The following MRPS28 variants were observed in gnomAD, a reference collection of about 807,000 sequenced individuals.
MRPS28 encodes the protein mitochondrial ribosomal protein S28.
In MRPS28, 7 loss-of-function variants were observed where a neutral mutation model predicts 10.8. The ratio of observed to expected loss-of-function variants is 0.65; its 90% CI spans 0.37 to 1.22. The LOEUF is 1.22. MRPS28 is among the 50% of genes most tolerant of loss of function. The probability of loss-of-function intolerance (pLI) is 0.02; values close to 1 mark genes in which losing one functional copy is unlikely to be tolerated. For synonymous variants in MRPS28, 121 were observed against 93.3 expected (o/e 1.30, Z -1.71); for missense variants, 265 against 232.9 (o/e 1.14, Z -0.90).
chr8:80,004,832 G>A (rs2130170231), intron 1 of MRPS28, among the ~76,000 whole-genome samples: 1 of 152,348 alleles, frequency 6.6e-6, no homozygotes, highest in East Asian at 1.9e-4. Flanking sequence ...AGAACTACGT[G>A]ACGAATGCAC....
intron 2 of MRPS28, among the ~76,000 whole-genome samples, chr8:79,950,470 C>A (rs1807052485): frequency 6.6e-6 from 1 of 152,102 alleles, no homozygotes; most frequent in Admixed American, 6.5e-5. Context: ...TCTAGATAAG[C>A]CTTTGTTGAG....
chr8:80,016,271 G>A (rs1414961643), intron 1 of MRPS28, among the ~76,000 whole-genome samples: 1 of 151,996 alleles, frequency 6.6e-6, no homozygotes, highest in Non-Finnish European at 1.5e-5. Flanking sequence ...AATCAAAGAT[G>A]AAGAAAAAAT....
chr8:79,953,876 T>C (rs751386062), intron 2 of MRPS28, among the ~76,000 whole-genome samples: 6 of 152,200 alleles, frequency 3.9e-5, no homozygotes, highest in Non-Finnish European at 7.3e-5. Context: ...AAATGGGCAA[T>C]TAAATTTTTC....
At chr8:80,017,784 A>G (rs1189767658) in intron 1 of MRPS28, among the ~76,000 whole-genome samples, 1 of 152,060 alleles carries the variant, frequency 6.6e-6, no homozygotes, top group Non-Finnish European at 1.5e-5. Context: ...ACATTACAAG[A>G]AAAGAAAACT....
At chr8:79,923,565 C>G (rs910632766) in intron 2 of MRPS28, among the ~76,000 whole-genome samples, 17 of 152,062 alleles carry the variant, frequency 1.1e-4, no homozygotes, top group Non-Finnish European at 2.5e-4. Context: ...GAAAAAGCCC[C>G]CCAGGCAGCA....
At chr8:80,029,639 G>C (rs545231588) in intron 1 of MRPS28, 1 of 896,278 alleles carries the variant, frequency 1.1e-6, no homozygotes, top group East Asian at 5.5e-5. Context: ...CAAGCTCCAT[G>C]CTAGAGCTAC....
intron 2 of MRPS28, among the ~76,000 whole-genome samples, chr8:79,949,392 C>A (rs572159030): frequency 1.4e-5 from 2 of 146,996 alleles, no homozygotes; most frequent in South Asian, 4.2e-4. Flanking sequence ...ACAGCCTGGG[C>A]GACAGAGTGA....
At chr8:79,964,855 C>A (rs1382071550) in intron 2 of MRPS28, among the ~76,000 whole-genome samples, 1 of 152,024 alleles carries the variant, frequency 6.6e-6, no homozygotes, top group Non-Finnish European at 1.5e-5. Context: ...TTAATAACAT[C>A]AGAACCATCA....
At chr8:79,950,798 T>C (rs1435785000) in intron 2 of MRPS28, among the ~76,000 whole-genome samples, 1 of 152,230 alleles carries the variant, frequency 6.6e-6, no homozygotes, top group African/African-American at 2.4e-5. Context: ...TCTGCTGCTA[T>C]TCATCCTGGA....
intron 2 of MRPS28, among the ~76,000 whole-genome samples, chr8:79,954,403 C>T (rs1407006208): frequency 6.6e-6 from 1 of 152,034 alleles, no homozygotes; most frequent in Non-Finnish European, 1.5e-5. Flanking sequence ...ACAGGAGGCA[C>T]ATAACAGACT....
chr8:80,028,198 A>AT (rs994230734), intron 1 of MRPS28, among the ~76,000 whole-genome samples: 3 of 152,206 alleles, frequency 2.0e-5, no homozygotes, highest in African/African-American at 7.2e-5. Context: ...ATTGAGAATT[A>AT]TTTTGGGGGG....
At chr8:79,998,606 C>T (rs896441361) in intron 2 of MRPS28, among the ~76,000 whole-genome samples, 1 of 152,284 alleles carries the variant, frequency 6.6e-6, no homozygotes, top group African/African-American at 2.4e-5. Context: ...ACACATTAAA[C>T]AAAATTGTCC....
chr8:80,024,584 GA>G (rs1332073165), intron 1 of MRPS28, among the ~76,000 whole-genome samples: 1 of 152,048 alleles, frequency 6.6e-6, no homozygotes, highest in Non-Finnish European at 1.5e-5. Flanking sequence ...ATGACTATAA[GA>G]ACTAAATCAA....
chr8:80,029,500 A>G (rs1809587523), intron 1 of MRPS28, among the ~76,000 whole-genome samples: 1 of 152,238 alleles, frequency 6.6e-6, no homozygotes, highest in Non-Finnish European at 1.5e-5. Context: ...ACTTTTTAAA[A>G]AAAGAAGACA....
At chr8:80,008,914 C>T (rs1219335295) in intron 1 of MRPS28, among the ~76,000 whole-genome samples, 9 of 152,196 alleles carry the variant, frequency 5.9e-5, no homozygotes, top group Admixed American at 6.5e-5. Flanking sequence ...ACCCAGCCAT[C>T]CCATTACTGG....
At chr8:80,001,023 T>TA (rs1563538808) in intron 2 of MRPS28, among the ~76,000 whole-genome samples, 1 of 152,152 alleles carries the variant, frequency 6.6e-6, no homozygotes, top group South Asian at 2.1e-4. Context: ...TCCTCACATA[T>TA]AAAAAAAGTA....
chr8:79,951,389 T>C lies in MRPS28; in HGVS notation c.396-32241A>G, dbSNP rs537147811. Among the ~76,000 whole-genome samples the C allele has an allele frequency of 2.0e-5, 3 of 152,256 alleles. No homozygotes were observed. The East Asian group carries it at 5.8e-4, about 29-fold the overall frequency. ...GTGTGTTATAAGGGCAAACCAGTGGTAGCCTCTTGCCCATCCATCATCTAG... is the reference window on the plus strand; with the variant it reads ...GTGTGTTATAAGGGCAAACCAGTGGCAGCCTCTTGCCCATCCATCATCTAG... On this transcript the variant is annotated intron_variant, in intron 2 of 2. Coordinates refer to ENST00000276585, the MANE Select transcript of MRPS28 (RefSeq NM_014018.3).
At chr8:79,920,370 T>A (rs1050119225) in intron 2 of MRPS28, among the ~76,000 whole-genome samples, 45 of 152,186 alleles carry the variant, frequency 3.0e-4, no homozygotes, top group Non-Finnish European at 7.3e-5. Flanking sequence ...TGCCACACTG[T>A]CTTCCACAAT....
intron 2 of MRPS28, among the ~76,000 whole-genome samples, chr8:79,921,905 T>C (rs1810104986): frequency 6.6e-6 from 1 of 152,238 alleles, no homozygotes; most frequent in African/African-American, 2.4e-5. Context: ...TTCAGTATGA[T>C]ATTGGCTGTG....
Sources: gnomAD v4.1 joint callset for allele counts (sites outside exome capture counted in the v4.1 genomes callset) on GRCh38, gnomAD v4.1.1 for gene constraint, MANE v1.5 for transcripts, NCBI Gene and HGNC (gene_info 2026-07-23, HGNC 2026-07-21) for gene names.